Variants in ENTPD3 observed in about 807,000 individuals in gnomAD.
The protein encoded by ENTPD3 is ectonucleoside triphosphate diphosphohydrolase 3.
Under a neutral mutation model 51.2 loss-of-function variants are expected in ENTPD3, and 60 were observed. The ratio of observed to expected loss-of-function variants is 1.17; its 90% CI spans 0.95 to 1.45. The LOEUF is 1.45. Ranked by LOEUF, ENTPD3 falls within the 40% of genes most tolerant of loss-of-function variation. The probability of loss-of-function intolerance (pLI) is 0.00; values close to 1 mark genes in which losing one functional copy is unlikely to be tolerated. For missense variants in ENTPD3, 593 were observed against 641.1 expected, an observed-to-expected ratio of 0.93 and a Z score of 0.81; for synonymous variants, 221 against 238.4, an observed-to-expected ratio of 0.93 and a Z score of 0.67.
At position 40,388,046 on chromosome 3, in the gene ENTPD3, C is replaced by G. The variant is rs201499551; in HGVS notation, c.-12C>G. 119 of 1,613,692 alleles carry G rather than the reference C, an allele frequency of 7.4e-5. 2 individuals are homozygous for G. Among genetic ancestry groups the G allele is most frequent in the Middle Eastern group, 6.6e-4 (4 of 6,060 alleles). On this transcript the variant is annotated splice_region_variant and 5_prime_UTR_variant, in exon 2 of 11. Transcript: ENST00000301825. Reference sequence around the variant, plus strand: ...ACATCCTGTATTCTCTCACCTGCAGCTAGGAGAAAAGATGTTCACTGTGCT... The same window carrying G: ...ACATCCTGTATTCTCTCACCTGCAGGTAGGAGAAAAGATGTTCACTGTGCT...
chr3:40,422,779 C>G (rs1482089742), intron 7 of ENTPD3, 71 bp from the exon 8 acceptor site: 35 of 1,398,810 alleles, frequency 2.5e-5, no homozygotes, highest in Non-Finnish European at 3.3e-5. Context: ...TGGGTTGATT[C>G]CAAGTCTTTG....
chr3:40,402,123 C>CTT (rs58000344), intron 4 of ENTPD3, among the ~76,000 whole-genome samples: 2 of 95,024 alleles, frequency 2.1e-5, no homozygotes, highest in African/African-American at 7.8e-5. Flanking sequence ...TTTTTTTTTT[C>CTT]TTTTTTTTTT....
Position 40,422,924 on chromosome 3 carries a change from T to A in ENTPD3, c.906T>A (p.His302Gln). ...RDYSISFTMG[H>Q]VFDSLCTVDQ... ...ATAGCATCAGCTTCACCATGGGCCATGTATTTGATAGCCTGTGCACTGTGG... is the reference window on the plus strand; with the variant it reads ...ATAGCATCAGCTTCACCATGGGCCAAGTATTTGATAGCCTGTGCACTGTGG... The change falls in exon 8 of 11, where the codon CAT becomes CAA. Residue 302 changes from histidine to glutamine, a missense_variant. Physicochemically the swap from His to Gln is conservative, Grantham distance 24. Transcript: ENST00000301825. The A allele has an allele frequency of 6.2e-7, 1 of 1,614,010 alleles. No individual in the cohort carries two copies. The highest frequency in any genetic ancestry group is 8.5e-7 in the Non-Finnish European group (1 of 1,179,936).
At chr3:40,427,191 G>A (rs1956001717) in intron 10 of ENTPD3, 81 bp from the exon 11 acceptor site, 2 of 1,155,552 alleles carry the variant, frequency 1.7e-6, no homozygotes, top group Admixed American at 1.8e-5. Context: ...GCTTTGTGAG[G>A]TTGATAGCAG....
At chr3:40,397,382 T>C (rs1024184634) in intron 3 of ENTPD3, among the ~76,000 whole-genome samples, 5 of 151,942 alleles carry the variant, frequency 3.3e-5, no homozygotes, top group African/African-American at 1.2e-4. Flanking sequence ...AGTGAAAACA[T>C]CATGGCTATG....
intron 10 of ENTPD3, chr3:40,424,913 A>G (rs1247543533): frequency 1.5e-6 from 1 of 646,142 alleles, no homozygotes; most frequent in Non-Finnish European, 2.8e-6. Context: ...ATCTACAAAA[A>G]AATAAGGATG....
chr3:40,398,618 C>T (rs754838261), intron 3 of ENTPD3, among the ~76,000 whole-genome samples: 4 of 152,166 alleles, frequency 2.6e-5, no homozygotes, highest in Admixed American at 6.5e-5. Context: ...ATTCATCATA[C>T]TGAAGGGCTG....
chr3:40,412,059 C>G (rs1955646789), intron 5 of ENTPD3, 97 bp downstream of exon 5: 1 of 1,211,764 alleles, frequency 8.3e-7, no homozygotes, highest in African/African-American at 1.6e-5. Flanking sequence ...GGGAACAACC[C>G]TCGCCCCCCA....
In ENTPD3 at chr3:40,415,872, T is replaced by A. The variant is rs372661735; in HGVS notation, c.630T>A (p.His210Gln). The A allele has an allele frequency of 1.9e-6, 3 of 1,614,084 alleles. No individual in the cohort carries two copies. Among genetic ancestry groups the A allele is most frequent in the Non-Finnish European group, 2.5e-6 (3 of 1,179,976 alleles). ...TGTGGCACATGTGGGTGCACCCGCA[T>A]GGAGTGGAAACCACGGGTGCCCTGG... is the stretch of plus-strand genomic sequence containing the variant. ...KNLWHMWVHP[H>Q]GVETTGALDL... The change falls in exon 7 of 11, where the codon CAT (histidine) becomes CAA (glutamine). Residue 210 changes from histidine to glutamine, a missense_variant. His to Gln is a conservative substitution (Grantham distance 24). Coordinates refer to ENST00000301825, the MANE Select transcript of ENTPD3 (RefSeq NM_001248.4).
chr3:40,423,688 T>G (rs906188974), intron 9 of ENTPD3, 138 bp from the exon 10 acceptor site: 19 of 962,562 alleles, frequency 2.0e-5, no homozygotes, highest in Non-Finnish European at 2.7e-5. Flanking sequence ...ATTGTGTGAT[T>G]ATATGATTGT....
intron 4 of ENTPD3, among the ~76,000 whole-genome samples, chr3:40,402,123 C>CTTTTTTTTTTTTTTTTTTTTTTTTTTT (rs58000344): frequency 2.8e-4 from 27 of 95,066 alleles, no homozygotes; most frequent in East Asian, 1.1e-3. Context: ...TTTTTTTTTT[C>CTTTTTTTTTTTTTTTTTTTTTTTTTTT]TTTTTTTTTT....
At chr3:40,390,348 C>A (rs1384298919) in intron 2 of ENTPD3, among the ~76,000 whole-genome samples, 1 of 152,082 alleles carries the variant, frequency 6.6e-6, no homozygotes, top group Admixed American at 6.5e-5. Flanking sequence ...CAGGTGTGCA[C>A]CACATGTACA....
In ENTPD3 at chr3:40,418,307, C is replaced by T. The variant is rs150876622; in HGVS notation, c.831+2234C>T. 1.6e-3 allele frequency among the ~76,000 whole-genome samples: 250 copies of T among 152,320 alleles called. 2 individuals are homozygous for T. The highest frequency in any genetic ancestry group is 1.5e-3 in the Non-Finnish European group (102 of 68,024). On this transcript the variant is annotated intron_variant, in intron 7 of 10. Coordinates refer to ENST00000301825, the MANE Select transcript of ENTPD3 (RefSeq NM_001248.4). ...ACTGACAAATTCATGTCAAGACTCA[C>T]CTGACCAACAGTTTCATAGGTCAAA... is the stretch of plus-strand genomic sequence containing the variant.
At position 40,392,116 on chromosome 3, in the gene ENTPD3, T is replaced by A; in HGVS notation, c.134T>A (p.Ile45Asn). Residue 45 changes from isoleucine (I) to asparagine (N), a missense_variant, in exon 3 of 11, where the codon ATC (isoleucine) becomes AAC (asparagine). Coordinates refer to ENST00000301825, the MANE Select transcript of ENTPD3 (RefSeq NM_001248.4). ...VVLVSITVIQ[I>N]HKQEVLPPGL... is the part of the protein sequence containing the mutation. ...CTTGTGAGTATCACTGTCATCCAGATCCACAAGCAAGAGGTCCTCCCTCCA... is the reference window on the plus strand; with the variant it reads ...CTTGTGAGTATCACTGTCATCCAGAACCACAAGCAAGAGGTCCTCCCTCCA... 6.2e-7 allele frequency: 1 copy of A among 1,614,134 alleles called. No individual in the cohort carries two copies. The highest frequency in any genetic ancestry group is 2.2e-5 in the East Asian group (1 of 44,878).
chr3:40,423,237 T>C, intron 8 of ENTPD3, 54 bp from the exon 9 acceptor site: 3 of 1,567,712 alleles, frequency 1.9e-6, no homozygotes, highest in Non-Finnish European at 2.6e-6. Context: ...CCATAAACCT[T>C]TCTATTATAC....
intron 4 of ENTPD3, among the ~76,000 whole-genome samples, chr3:40,402,222 G>C (rs1025779636): frequency 7.0e-6 from 1 of 143,768 alleles, no homozygotes; most frequent in African/African-American, 2.6e-5. Flanking sequence ...GGGTTCAAGC[G>C]ATTCTCCTGC....
intron 3 of ENTPD3, among the ~76,000 whole-genome samples, chr3:40,398,433 G>A (rs920944680): frequency 3.3e-5 from 5 of 152,192 alleles, no homozygotes; most frequent in African/African-American, 1.2e-4. Flanking sequence ...GGGGAGGAAA[G>A]AAAGCAGACC....
At chr3:40,393,214 C>T (rs1371311700) in intron 3 of ENTPD3, among the ~76,000 whole-genome samples, 1 of 152,082 alleles carries the variant, frequency 6.6e-6, no homozygotes, top group Non-Finnish European at 1.5e-5. Flanking sequence ...TAGGGGTCAG[C>T]AAACATTTCT....
At chr3:40,409,972 C>A (rs1392541375) in intron 4 of ENTPD3, among the ~76,000 whole-genome samples, 11 of 151,964 alleles carry the variant, frequency 7.2e-5, no homozygotes, top group African/African-American at 2.7e-4. Context: ...TTTAAACAAA[C>A]ATTGGTTAAA....
Sources: gnomAD v4.1 joint callset for allele counts (sites outside exome capture counted in the v4.1 genomes callset) on GRCh38, gnomAD v4.1.1 for gene constraint, MANE v1.5 for transcripts, NCBI Gene and HGNC (gene_info 2026-07-23, HGNC 2026-07-21) for gene names.